Variants in LARGE1 observed in about 807,000 individuals in gnomAD.
LARGE1 encodes the protein xylosyl- and glucuronyltransferase LARGE1.
LARGE1 carries 43 observed loss-of-function variants against 87.6 expected under a neutral mutation model. The ratio of observed to expected loss-of-function variants is 0.49; its 90% CI spans 0.38 to 0.63. The LOEUF is 0.63. LARGE1 is among the 30% of genes least tolerant of loss of function. The pLI is 0.00. For synonymous variants in LARGE1, 434 were observed against 394.6 expected (o/e 1.10, Z -1.18); for missense variants, 802 against 1,000.2 (o/e 0.80, Z 2.67).
chr22:33,231,313 G>C (rs1424620406), intron 11 of LARGE1, among the ~76,000 whole-genome samples: 2 of 152,152 alleles, frequency 1.3e-5, no homozygotes, highest in Non-Finnish European at 2.9e-5. Flanking sequence ...TTGGAGTCAG[G>C]TTCCTGAGTT....
chr22:33,626,598 C>T (rs2079930226), intron 3 of LARGE1, among the ~76,000 whole-genome samples: 1 of 152,116 alleles, frequency 6.6e-6, no homozygotes, highest in African/African-American at 2.4e-5. Context: ...CTCAAATAGG[C>T]AAACAGTGAG....
the LARGE1 span, among the ~76,000 whole-genome samples, chr22:33,116,696 A>G: frequency 1.1e-4 from 17 of 152,262 alleles, no homozygotes; most frequent in African/African-American, 3.9e-4. Flanking sequence ...TTCTGGGCCA[A>G]TCACTGGCCA....
intron 2 of LARGE1, chr22:33,750,580 GGTTT>G (rs2084276347): frequency 7.5e-6 from 1 of 133,552 alleles, no homozygotes; most frequent in Non-Finnish European, 1.5e-5. Context: ...AATAATAAAA[GGTTT>G]TTTTTTTTTC....
intron 6 of LARGE1, among the ~76,000 whole-genome samples, chr22:33,451,562 T>C (rs1027805998): frequency 8.5e-5 from 11 of 129,174 alleles, no homozygotes; most frequent in Admixed American, 2.2e-4. Context: ...AGTATCTCAT[T>C]CTTTTTTTTT....
At chr22:33,508,638 G>A (rs922550683) in intron 6 of LARGE1, among the ~76,000 whole-genome samples, 30 of 152,084 alleles carry the variant, frequency 2.0e-4, no homozygotes, top group African/African-American at 7.2e-4. Context: ...AAGTTACAAC[G>A]TACATCCATG....
chr22:33,909,125 G>C (rs1190594664), intron 1 of LARGE1, among the ~76,000 whole-genome samples: 1 of 152,170 alleles, frequency 6.6e-6, no homozygotes, highest in Non-Finnish European at 1.5e-5. Flanking sequence ...CAAGCCAAAG[G>C]AGAAAGCGCT....
chr22:33,257,845 A>T (rs1337023365), intron 11 of LARGE1, among the ~76,000 whole-genome samples: 1 of 152,216 alleles, frequency 6.6e-6, no homozygotes, highest in Non-Finnish European at 1.5e-5. Context: ...TCTGGTGAAT[A>T]AAAACAGTTC....
At chr22:33,220,090 A>C (rs1409621851) in intron 11 of LARGE1, among the ~76,000 whole-genome samples, 1 of 152,244 alleles carries the variant, frequency 6.6e-6, no homozygotes, top group Non-Finnish European at 1.5e-5. Context: ...ATTTGATTCA[A>C]TCCTGAATTC....
intron 3 of LARGE1, among the ~76,000 whole-genome samples, chr22:33,639,343 C>T (rs926896736): frequency 6.6e-6 from 1 of 152,228 alleles, no homozygotes; most frequent in African/African-American, 2.4e-5. Flanking sequence ...CAGAACCACT[C>T]AGCTAAGTCC....
At position 33,258,172 on chromosome 22, in the gene LARGE1, AG is replaced by A. The variant is rs555122169; in HGVS notation, c.1730+46056del. Among the ~76,000 whole-genome samples, 571 of 152,258 alleles carry A rather than the reference AG, an allele frequency of 3.8e-3. 3 individuals are homozygous for A. Among genetic ancestry groups the A allele is most frequent in the African/African-American group, 0.013 (538 of 41,554 alleles). The stretch of plus-strand genomic sequence containing the variant: ...CAGCCTCCCAAGTAGCTGGGATTAC[AG>A]GCATCCACCACCACGCCCGGCTAAT... On this transcript the variant is annotated intron_variant, in intron 11 of 11. Coordinates refer to the LARGE1 transcript ENST00000608642.
intron 11 of LARGE1, among the ~76,000 whole-genome samples, chr22:33,253,808 G>A (rs1206439556): frequency 6.6e-6 from 1 of 152,154 alleles, no homozygotes; most frequent in Non-Finnish European, 1.5e-5. Flanking sequence ...GAGAAAGCAG[G>A]GCCTGGCTGG....
the LARGE1 span, among the ~76,000 whole-genome samples, chr22:33,071,628 C>CAGTT: frequency 6.6e-6 from 1 of 152,190 alleles, no homozygotes; most frequent in Non-Finnish European, 1.5e-5. Context: ...TGTTCTCACA[C>CAGTT]AGTTAACAGA....
chr22:33,885,978 C>T (rs1362229696), intron 1 of LARGE1, among the ~76,000 whole-genome samples: 2 of 151,910 alleles, frequency 1.3e-5, no homozygotes, highest in Non-Finnish European at 2.9e-5. Flanking sequence ...TGCAGTGAGC[C>T]GAGATCATGC....
chr22:33,827,708 A>C (rs1054859994), intron 1 of LARGE1, among the ~76,000 whole-genome samples: 5 of 147,054 alleles, frequency 3.4e-5, no homozygotes, highest in African/African-American at 1.0e-4. Flanking sequence ...TGTAGAGCCA[A>C]GTGGGCCCGT....
intron 11 of LARGE1, among the ~76,000 whole-genome samples, chr22:33,250,003 G>A (rs747129061): frequency 1.3e-5 from 2 of 151,960 alleles, no homozygotes; most frequent in African/African-American, 4.8e-5. Context: ...TTTCAATATC[G>A]TGTTGGCTAT....
chr22:33,534,131 G>A (rs751694931), intron 6 of LARGE1, among the ~76,000 whole-genome samples: 6 of 151,950 alleles, frequency 3.9e-5, no homozygotes, highest in Non-Finnish European at 5.9e-5. Context: ...TCAGCCGGGC[G>A]TGGTGGCTCA....
intron 6 of LARGE1, among the ~76,000 whole-genome samples, chr22:33,503,325 C>T (rs537726138): frequency 2.2e-4 from 32 of 147,076 alleles, no homozygotes; most frequent in African/African-American, 7.9e-4. Flanking sequence ...GGTGCGATCT[C>T]GGCTCACTGC....
rs375003753 is a variant in LARGE1, at chr22:33,390,690, T to G, written c.893-6386A>C. ...GGACTCTGTCTGCTTTTGTTGTGTGTTTTTTTTTTTTTTTTTTGAGACAGA... is the reference window on the plus strand; with the variant it reads ...GGACTCTGTCTGCTTTTGTTGTGTGGTTTTTTTTTTTTTTTTTGAGACAGA... On this transcript the variant is annotated intron_variant, in intron 7 of 14. Coordinates refer to ENST00000397394, the MANE Select transcript of LARGE1 (RefSeq NM_133642.5). 2.7e-4 allele frequency among the ~76,000 whole-genome samples: 13 copies of G among 48,490 alleles called. No individual in the cohort carries two copies. In the African/African-American group the frequency reaches 6.1e-3, roughly 23 times the overall value. 31.8% of individuals were successfully genotyped at this position (48,490 alleles called of 152,430 possible).
At chr22:33,711,252 G>A (rs1197858353) in intron 2 of LARGE1, among the ~76,000 whole-genome samples, 1 of 152,204 alleles carries the variant, frequency 6.6e-6, no homozygotes, top group African/African-American at 2.4e-5. Flanking sequence ...GTAACCTGCT[G>A]GAGCGAAGCG....
Sources: allele counts gnomAD v4.1 joint callset (sites outside exome capture counted in the v4.1 genomes callset), GRCh38; gene constraint gnomAD v4.1.1; transcripts MANE v1.5; gene names NCBI Gene and HGNC (gene_info 2026-07-23, HGNC 2026-07-21).